The following CLYBL variants were observed in gnomAD, a reference collection of about 807,000 sequenced individuals.
The protein encoded by CLYBL is citramalyl-CoA lyase, also known as citramalyl-CoA lyase, mitochondrial.
Under a neutral mutation model 38.9 loss-of-function variants are expected in CLYBL, and 31 were observed. That is an observed-to-expected ratio of 0.80 (90% CI 0.60 to 1.08). The LOEUF (loss-of-function observed/expected upper bound fraction) is 1.08. Ranked by LOEUF, CLYBL falls within the 50% of genes least tolerant of loss-of-function variation. CLYBL has a pLI of 0.00. For synonymous variants in CLYBL, 171 were observed against 158.6 expected, an observed-to-expected ratio of 1.08 and a Z score of -0.59; for missense variants, 434 against 411.6, an observed-to-expected ratio of 1.05 and a Z score of -0.47.
At chr13:99,810,326 G>C (rs532773795) in intron 2 of CLYBL, among the ~76,000 whole-genome samples, 5 of 152,354 alleles carry the variant, frequency 3.3e-5, no homozygotes, top group Admixed American at 6.5e-5. Flanking sequence ...CAGGACTCCA[G>C]GGTGGAGAGA....
intron 4 of CLYBL, among the ~76,000 whole-genome samples, chr13:99,864,506 G>C (rs2051690130): frequency 6.6e-6 from 1 of 152,090 alleles, no homozygotes; most frequent in Non-Finnish European, 1.5e-5. Context: ...ACGAATTCTG[G>C]AAAGATATAA....
chr13:99,755,269 C>G (rs533298992), intron 1 of CLYBL, among the ~76,000 whole-genome samples: 19 of 152,250 alleles, frequency 1.2e-4, no homozygotes, highest in Admixed American at 1.2e-3. Context: ...CACAGGGGGC[C>G]CAGGAGGAAG....
chr13:99,670,624 A>G (rs192130398), intron 1 of CLYBL, among the ~76,000 whole-genome samples: 2 of 152,302 alleles, frequency 1.3e-5, no homozygotes, highest in African/African-American at 4.8e-5. Flanking sequence ...AGTTTCCTCA[A>G]TTACTGACTT....
chr13:99,680,207 A>G (rs9513648), intron 1 of CLYBL, among the ~76,000 whole-genome samples: 48,519 of 152,010 alleles, frequency 0.32, 8,082 homozygotes, highest in East Asian at 0.56. Flanking sequence ...ACACATTCAC[A>G]GGTTAGTATC....
chr13:99,760,605 A>T (rs965605588), intron 1 of CLYBL, among the ~76,000 whole-genome samples: 1 of 152,226 alleles, frequency 6.6e-6, no homozygotes, highest in South Asian at 2.1e-4. Context: ...TCCTTTTAGC[A>T]CTTTGAATAT....
intron 7 of CLYBL, chr13:99,877,590 TTTTTA>T: frequency 2.8e-6 from 1 of 360,588 alleles, no homozygotes. Context: ...TTTTTTTTTT[TTTTTA>T]AGACAGTGTC....
chr13:99,736,038 C>CTTTTTTTT (rs767129851), intron 1 of CLYBL, among the ~76,000 whole-genome samples: 73 of 76,180 alleles, frequency 9.6e-4, no homozygotes, highest in African/African-American at 1.5e-3. Context: ...CGTTTCTTTT[C>CTTTTTTTT]TTTTTTTTTT....
At chr13:99,793,988 C>G (rs1325376357) in intron 2 of CLYBL, among the ~76,000 whole-genome samples, 10 of 152,014 alleles carry the variant, frequency 6.6e-5, no homozygotes, top group African/African-American at 2.4e-4. Flanking sequence ...GAAATAGCTT[C>G]GAGACTATGG....
At chr13:99,788,500 C>T (rs375453627) in intron 2 of CLYBL, among the ~76,000 whole-genome samples, 1 of 151,982 alleles carries the variant, frequency 6.6e-6, no homozygotes, top group South Asian at 2.1e-4. Flanking sequence ...GCTGGATTAC[C>T]TTTATTGATT....
At chr13:99,741,834 A>G (rs938271302) in intron 1 of CLYBL, among the ~76,000 whole-genome samples, 3 of 152,252 alleles carry the variant, frequency 2.0e-5, no homozygotes, top group African/African-American at 7.2e-5. Context: ...CATGGTAGGC[A>G]GAGTTTTACA....
downstream of CLYBL, among the ~76,000 whole-genome samples, chr13:99,901,197 A>G (rs1594256486): frequency 6.6e-6 from 1 of 152,146 alleles, no homozygotes; most frequent in African/African-American, 2.4e-5. Flanking sequence ...CCCAAGCTCC[A>G]TCCCCCATGG....
chr13:99,752,901 A>G lies in CLYBL; in HGVS notation c.63-19923A>G, dbSNP rs2139642705. Among the ~76,000 whole-genome samples the G allele has an allele frequency of 1.3e-5, 2 of 152,292 alleles. 1 individual carries two copies. Among genetic ancestry groups the G allele is most frequent in the East Asian group, 3.9e-4 (2 of 5,162 alleles). ...CAAAAAGGAAAAATTCTCTGAACCC[A>G]GTGGAAGACAGACAGTGAACAAGTA... On this transcript the variant is annotated intron_variant, in intron 1 of 8. Transcript: ENST00000339105.
chr13:99,727,214 TG>T (rs1166569781), intron 1 of CLYBL: 3 of 152,000 alleles, frequency 2.0e-5, no homozygotes, highest in Non-Finnish European at 2.9e-5. Context: ...TTGTTAGGCC[TG>T]GGGAATAGAC....
At chr13:99,881,230 T>C (rs2052200156) in intron 7 of CLYBL, among the ~76,000 whole-genome samples, 1 of 152,228 alleles carries the variant, frequency 6.6e-6, no homozygotes, top group African/African-American at 2.4e-5. Context: ...GGTTGAACTT[T>C]CAGAAATTTC....
At chr13:99,718,905 T>A (rs2048356159) in intron 1 of CLYBL, among the ~76,000 whole-genome samples, 1 of 151,156 alleles carries the variant, frequency 6.6e-6, no homozygotes, top group South Asian at 2.1e-4. Context: ...TGCAGTGGCA[T>A]GATCTCAGCT....
chr13:99,861,109 C>T (rs771448858), intron 3 of CLYBL, among the ~76,000 whole-genome samples: 4 of 152,104 alleles, frequency 2.6e-5, no homozygotes, highest in African/African-American at 9.7e-5. Context: ...CCCTCCACCT[C>T]GCTGAAATGA....
rs79774908 is a variant in CLYBL at position 99,656,079 on chromosome 13, CCCA to C, written c.62+49325_62+49327del. Among the ~76,000 whole-genome samples, 1,358 of 152,226 alleles carry C rather than the reference CCCA, an allele frequency of 8.9e-3. 6 individuals are homozygous for C. The highest frequency in any genetic ancestry group is 0.017 in the South Asian group (82 of 4,812). ...CACTTTCCTTTTTTCCAGACCCACC[CCCA>C]CCTTTGAGATTATCACTCTTCCTGC... On this transcript the variant is annotated intron_variant, in intron 1 of 8. Transcript: ENST00000339105.
intron 1 of CLYBL, among the ~76,000 whole-genome samples, chr13:99,732,169 G>GTT (rs35027014): frequency 0.16 from 14,369 of 90,766 alleles, 1,559 homozygotes; most frequent in South Asian, 0.21. Context: ...TTATATGGCA[G>GTT]TTTTTTTTTT....
chr13:99,681,729 G>T (rs2047737167), intron 1 of CLYBL, among the ~76,000 whole-genome samples: 1 of 151,566 alleles, frequency 6.6e-6, no homozygotes, highest in Non-Finnish European at 1.5e-5. Flanking sequence ...TGGGGTTACA[G>T]GCATGTGCCA....
Sources: allele counts gnomAD v4.1 joint callset (sites outside exome capture counted in the v4.1 genomes callset), GRCh38; gene constraint gnomAD v4.1.1; transcripts MANE v1.5; gene names NCBI Gene and HGNC (gene_info 2026-07-23, HGNC 2026-07-21).